CDH9: variants seen among roughly 807,000 people sequenced by gnomAD.
The protein encoded by CDH9 is cadherin-9.
Under a neutral mutation model 70.9 loss-of-function variants are expected in CDH9, and 28 were observed. That is an observed-to-expected ratio of 0.40 (90% confidence interval 0.29 to 0.54). The LOEUF is 0.54. Ranked by LOEUF, CDH9 falls within the 20% of genes least tolerant of loss-of-function variation. The pLI, the probability that CDH9 is intolerant of heterozygous loss-of-function variation, is 0.59. For synonymous variants in CDH9, 409 were observed against 343.1 expected, an observed-to-expected ratio of 1.19 and a Z score of -2.12; for missense variants, 874 against 984.4, an observed-to-expected ratio of 0.89 and a Z score of 1.50.
At chr5:27,019,096 A>T (rs1008275336) in intron 1 of CDH9, among the ~76,000 whole-genome samples, 2 of 152,004 alleles carry the variant, frequency 1.3e-5, no homozygotes, top group Non-Finnish European at 2.9e-5. Context: ...GAATCCCAAA[A>T]AAAGTAGTAA....
intron 2 of CDH9, among the ~76,000 whole-genome samples, chr5:26,944,643 T>C (rs1020243938): frequency 1.3e-5 from 2 of 152,114 alleles, no homozygotes; most frequent in East Asian, 1.9e-4. Context: ...AGTGAGACAC[T>C]GTCTCACAAA....
intron 2 of CDH9, among the ~76,000 whole-genome samples, chr5:26,919,614 C>T (rs1579451014): frequency 6.6e-6 from 1 of 152,228 alleles, no homozygotes; most frequent in Non-Finnish European, 1.5e-5. Context: ...ACTTGTGCCA[C>T]CTCTCTCCCA....
chr5:26,916,108 A>C (rs1368727774), intron 2 of CDH9, among the ~76,000 whole-genome samples, 184 bp from the exon 3 acceptor site: 1 of 152,096 alleles, frequency 6.6e-6, no homozygotes, highest in Admixed American at 6.6e-5. Context: ...AAAATTTTTA[A>C]CAGTCATATT....
chr5:26,965,753 G>C (rs535456602), intron 2 of CDH9, among the ~76,000 whole-genome samples: 86 of 152,122 alleles, frequency 5.7e-4, no homozygotes, highest in African/African-American at 1.9e-3. Context: ...CAGAGTGACA[G>C]TAAGAGCCAG....
chr5:26,978,562 G>A (rs1440580973), intron 2 of CDH9, among the ~76,000 whole-genome samples: 1 of 148,202 alleles, frequency 6.7e-6, no homozygotes, highest in African/African-American at 2.5e-5. Context: ...AAAAGGAAGA[G>A]ATAGTGGCCA....
chr5:26,902,819 A>G, intron 6 of CDH9, 90 bp from the exon 7 acceptor site: 1 of 671,774 alleles, frequency 1.5e-6, no homozygotes, highest in South Asian at 1.9e-5. Flanking sequence ...AGCGATCATG[A>G]TTATACCAAC....
intron 2 of CDH9, among the ~76,000 whole-genome samples, chr5:26,967,287 C>G (rs1037826437): frequency 3.3e-5 from 5 of 151,974 alleles, no homozygotes; most frequent in Non-Finnish European, 7.4e-5. Context: ...CTTTTCCTCC[C>G]AAACTTGTTG....
intron 2 of CDH9, among the ~76,000 whole-genome samples, chr5:26,923,759 A>G (rs1363194592): frequency 2.6e-5 from 4 of 152,122 alleles, no homozygotes; most frequent in Non-Finnish European, 5.9e-5. Context: ...ACACATGAGG[A>G]ATTTTAGAAA....
chr5:27,024,745 G>A (rs148988278), intron 1 of CDH9, among the ~76,000 whole-genome samples: 203 of 152,076 alleles, frequency 1.3e-3, no homozygotes, highest in African/African-American at 4.5e-3. Flanking sequence ...TAATTGATAC[G>A]ACATTGAAAC....
chr5:26,943,933 G>T (rs940224617), intron 2 of CDH9, among the ~76,000 whole-genome samples: 1 of 152,062 alleles, frequency 6.6e-6, no homozygotes. Context: ...GATTAAAACT[G>T]CTCTTTGGTT....
chr5:26,923,867 G>A (rs1433411421), intron 2 of CDH9, among the ~76,000 whole-genome samples: 1 of 151,830 alleles, frequency 6.6e-6, no homozygotes. Context: ...TGAAACTAAT[G>A]AAACCTACGA....
chr5:26,996,356 G>C (rs1483133788), intron 1 of CDH9, among the ~76,000 whole-genome samples: 1 of 151,874 alleles, frequency 6.6e-6, no homozygotes, highest in Non-Finnish European at 1.5e-5. Flanking sequence ...TAATATTTCT[G>C]AGGTTTGGAT....
At chr5:27,020,732 A>G (rs1037138828) in intron 1 of CDH9, among the ~76,000 whole-genome samples, 4 of 149,346 alleles carry the variant, frequency 2.7e-5, no homozygotes, top group Admixed American at 6.7e-5. Flanking sequence ...ACACACGCAC[A>G]CACACACACA....
At chr5:26,955,222 GGT>G (rs1175831961) in intron 2 of CDH9, among the ~76,000 whole-genome samples, 2 of 151,902 alleles carry the variant, frequency 1.3e-5, no homozygotes, top group African/African-American at 4.8e-5. Context: ...ATAAATTTCT[GGT>G]ATTTCAAGGA....
chr5:26,898,178 A>G (rs1343114773), intron 7 of CDH9, among the ~76,000 whole-genome samples: 6 of 152,176 alleles, frequency 3.9e-5, no homozygotes, highest in Admixed American at 6.5e-5. Context: ...AAGGGAGGAC[A>G]CAAACAAAGG....
At chr5:26,934,490 A>T (rs1329933555) in intron 2 of CDH9, among the ~76,000 whole-genome samples, 1 of 152,052 alleles carries the variant, frequency 6.6e-6, no homozygotes, top group East Asian at 1.9e-4. Context: ...GTAAGAACTC[A>T]TTCACTCCTG....
At chr5:26,912,386 TA>T (rs1174238762) in intron 3 of CDH9, among the ~76,000 whole-genome samples, 2 of 151,920 alleles carry the variant, frequency 1.3e-5, no homozygotes, top group East Asian at 3.9e-4. Flanking sequence ...TATTTTCCTT[TA>T]AATAAGGTAG....
rs189097009 is a variant in CDH9, at chr5:26,978,487, C to T, written c.228+9619G>A. On this transcript the variant is annotated intron_variant, in intron 2 of 11. Transcript: ENST00000231021. ...AAGCACAGAGACAATATTATATTAA[C>T]CAAAAATAGTTTCCAACTATGGGAT... is the stretch of plus-strand genomic sequence containing the variant. 2.6e-5 allele frequency among the ~76,000 whole-genome samples: 4 copies of T among 151,676 alleles called. No individual in the cohort carries two copies. The East Asian group carries it at 7.8e-4, about 29-fold the overall frequency.
intron 1 of CDH9, among the ~76,000 whole-genome samples, chr5:27,035,410 GA>G (rs1230515166): frequency 6.6e-5 from 10 of 151,572 alleles, no homozygotes; most frequent in Non-Finnish European, 1.5e-4. Flanking sequence ...TACAGAGAAA[GA>G]AATTGCTTTA....
Sources: allele counts gnomAD v4.1 joint callset (sites outside exome capture counted in the v4.1 genomes callset), GRCh38; gene constraint gnomAD v4.1.1; transcripts MANE v1.5; gene names NCBI Gene and HGNC (gene_info 2026-07-23, HGNC 2026-07-21).